Variants in MEF2C observed in about 807,000 individuals in gnomAD.
MEF2C encodes myocyte enhancer factor 2C.
MEF2C carries 6 observed loss-of-function variants against 50.5 expected under a neutral mutation model. That is an observed-to-expected ratio of 0.12 (90% CI 0.07 to 0.23). The LOEUF is 0.23. Among genes scored for constraint, MEF2C ranks in the 10% least tolerant of loss-of-function variants. The probability of loss-of-function intolerance (pLI) is 1.00; values close to 1 mark genes in which losing one functional copy is unlikely to be tolerated. For synonymous variants in MEF2C, 183 were observed against 228.0 expected (o/e 0.80, Z 1.78); for missense variants, 276 against 605.0 (o/e 0.46, Z 5.70).
At chr5:88,813,702 A>T in intron 2 of MEF2C, among the ~76,000 whole-genome samples, 1 of 152,212 alleles carries the variant, frequency 6.6e-6, no homozygotes, top group Non-Finnish European at 1.5e-5. Flanking sequence ...ACCAAACACA[A>T]TATTTTTAGC....
At chr5:88,874,012 C>A (rs1307900557) in intron 1 of MEF2C, among the ~76,000 whole-genome samples, 1 of 151,526 alleles carries the variant, frequency 6.6e-6, no homozygotes, top group Non-Finnish European at 1.5e-5. Flanking sequence ...CTTTTTTAAC[C>A]ACATAAACCT....
chr5:88,827,678 T>C (rs890761313), intron 1 of MEF2C, among the ~76,000 whole-genome samples: 2 of 151,962 alleles, frequency 1.3e-5, no homozygotes, highest in Admixed American at 6.6e-5. Context: ...ATTGACTTCA[T>C]TGAAATAGCA....
chr5:88,794,241 A>T lies in MEF2C; in HGVS notation c.258+10357T>A, dbSNP rs1003418068. Among the ~76,000 whole-genome samples, 5 of 152,164 alleles carry T rather than the reference A, an allele frequency of 3.3e-5. No individual in the cohort carries two copies. The South Asian group carries it at 8.3e-4, about 25-fold the overall frequency. ...CCACACTGTCTTCCACAATGGTTGA[A>T]CTAGTTTACAGTCCCACCAACAGTG... On this transcript the variant is annotated intron_variant, in intron 3 of 10. Coordinates refer to ENST00000504921, the MANE Select transcript of MEF2C (RefSeq NM_002397.5).
At chr5:88,833,848 G>T (rs1252879116) in intron 1 of MEF2C, among the ~76,000 whole-genome samples, 1 of 152,030 alleles carries the variant, frequency 6.6e-6, no homozygotes, top group Non-Finnish European at 1.5e-5. Context: ...AGGGAGAACT[G>T]GGTACTGTGG....
Position 88,721,948 on chromosome 5 carries a change from TAAG to T in MEF2C, c.*653_*655del, listed in dbSNP as rs1487267103. 1 of 152,668 alleles carries T rather than the reference TAAG, an allele frequency of 6.6e-6. No homozygotes were observed. Among genetic ancestry groups the T allele is most frequent in the African/African-American group, 2.4e-5 (1 of 41,480 alleles). The allele number at this position is 152,668 out of a possible 1,614,324, so 9.5% of individuals were successfully genotyped here. A position where few individuals can be genotyped will look rare whatever the true frequency, so the allele number is the denominator to read the frequency against. ...TACATATTTTTATATTTTTATTTAA[TAAG>T]AGATGCAGACCCAGATTTATTTATT... On this transcript the variant is annotated 3_prime_UTR_variant, in exon 11 of 11. Transcript: ENST00000504921.
chr5:88,893,853 A>T (rs1834846450), intron 1 of MEF2C, among the ~76,000 whole-genome samples: 1 of 152,204 alleles, frequency 6.6e-6, no homozygotes, highest in Non-Finnish European at 1.5e-5. Flanking sequence ...TAAGTGAGTG[A>T]TTAAAACCAG....
chr5:88,895,114 C>T (rs1194495435), intron 1 of MEF2C, among the ~76,000 whole-genome samples: 1 of 152,102 alleles, frequency 6.6e-6, no homozygotes, highest in African/African-American at 2.4e-5. Flanking sequence ...TCAAGAAATA[C>T]CCCATATTCC....
intron 1 of MEF2C, among the ~76,000 whole-genome samples, chr5:88,867,344 TTAA>T (rs1032270903): frequency 3.9e-5 from 6 of 152,310 alleles, no homozygotes; most frequent in African/African-American, 1.4e-4. Context: ...AGATTTTGGC[TTAA>T]TAAGAAGAGA....
upstream of MEF2C, among the ~76,000 whole-genome samples, chr5:88,886,619 C>T (rs769751845): frequency 1.3e-5 from 2 of 152,144 alleles, no homozygotes; most frequent in African/African-American, 4.8e-5. Flanking sequence ...GTGACAATTC[C>T]TTTAAAAGAA....
chr5:88,774,700 G>T (rs1784006051), intron 3 of MEF2C, among the ~76,000 whole-genome samples: 1 of 152,156 alleles, frequency 6.6e-6, no homozygotes. Flanking sequence ...CCTAATATGT[G>T]AATTTATAAT....
intron 3 of MEF2C, among the ~76,000 whole-genome samples, chr5:88,767,643 G>C (rs1479556164): frequency 6.6e-6 from 1 of 152,076 alleles, no homozygotes; most frequent in Non-Finnish European, 1.5e-5. Context: ...GGGAAGGGGT[G>C]GATGGGGTTG....
intron 1 of MEF2C, among the ~76,000 whole-genome samples, chr5:88,855,549 A>C (rs916969026): frequency 6.6e-6 from 1 of 152,176 alleles, no homozygotes; most frequent in African/African-American, 2.4e-5. Context: ...CCCCACCCAA[A>C]TCTCATCTTG....
intron 3 of MEF2C, among the ~76,000 whole-genome samples, chr5:88,788,462 G>A (rs574366342): frequency 1.2e-4 from 18 of 151,306 alleles, no homozygotes; most frequent in South Asian, 6.3e-4. Context: ...CGCCTGCCTC[G>A]GCCTCCCAAA....
chr5:88,786,221 G>GA, intron 3 of MEF2C, among the ~76,000 whole-genome samples: 1 of 152,180 alleles, frequency 6.6e-6, no homozygotes, highest in East Asian at 1.9e-4. Flanking sequence ...TTCAATCTTG[G>GA]AAAAATAAAG....
chr5:88,782,337 G>T, intron 3 of MEF2C: 1 of 193,716 alleles, frequency 5.2e-6, no homozygotes, highest in Non-Finnish European at 9.4e-6. Flanking sequence ...GTGGTGGTAT[G>T]TGCCTGTGGT....
chr5:88,896,534 A>G (rs931494871), intron 1 of MEF2C, among the ~76,000 whole-genome samples: 1 of 152,222 alleles, frequency 6.6e-6, no homozygotes, highest in Non-Finnish European at 1.5e-5. Flanking sequence ...CCTCTATTAA[A>G]TCACAGATAA....
At chr5:88,784,334 AT>A (rs920382889) in intron 3 of MEF2C, among the ~76,000 whole-genome samples, 1 of 152,218 alleles carries the variant, frequency 6.6e-6, no homozygotes, top group African/African-American at 2.4e-5. Flanking sequence ...GAAATTAATA[AT>A]TTATATCTGT....
intron 6 of MEF2C, among the ~76,000 whole-genome samples, chr5:88,744,350 T>C (rs1294942027): frequency 6.6e-6 from 1 of 152,190 alleles, no homozygotes; most frequent in East Asian, 1.9e-4. Flanking sequence ...GCTCAGGAGT[T>C]TGTGACCAGC....
chr5:88,759,529 C>T (rs529635968), intron 4 of MEF2C, among the ~76,000 whole-genome samples: 9 of 152,008 alleles, frequency 5.9e-5, no homozygotes, highest in Non-Finnish European at 1.3e-4. Context: ...CCAAATGAGC[C>T]GCTTCTTTTT....
Sources: gnomAD v4.1 joint callset for allele counts (sites outside exome capture counted in the v4.1 genomes callset) on GRCh38, gnomAD v4.1.1 for gene constraint, MANE v1.5 for transcripts, NCBI Gene and HGNC (gene_info 2026-07-23, HGNC 2026-07-21) for gene names.